Variants in DENND2B observed in about 807,000 individuals in gnomAD.
DENND2B encodes DENN domain containing 2B.
A neutral mutation model predicts 116.0 loss-of-function variants in DENND2B; 32 were observed. The ratio of observed to expected loss-of-function variants is 0.28; its 90% confidence interval spans 0.21 to 0.37. The LOEUF is 0.37. DENND2B is among the 10% of genes least tolerant of loss of function. The pLI is 1.00. For synonymous variants in DENND2B, 588 were observed against 583.9 expected (o/e 1.01, Z -0.10); for missense variants, 1,276 against 1,477.7 (o/e 0.86, Z 2.24).
intron 1 of DENND2B, 80 bp from the exon 2 acceptor site, chr11:8,750,805 A>C: frequency 7.5e-7 from 1 of 1,325,930 alleles, no homozygotes; most frequent in Admixed American, 1.7e-5. Context: ...ATGACCTCCA[A>C]AAGTGCCAAG....
intron 4 of DENND2B, 122 bp downstream of exon 4, chr11:8,725,951 A>T: frequency 7.1e-7 from 1 of 1,400,762 alleles, no homozygotes; most frequent in Non-Finnish European, 9.9e-7. Flanking sequence ...TTCCAGGAGG[A>T]GTTCCAGAAG....
In DENND2B at chr11:8,702,620, G is replaced by A. The variant is rs1334470883; in HGVS notation, c.2672C>T (p.Ala891Val). ...GACCCGGCGCTCCAGCAGCAGTGAGGCAAAGATTCGGATGAGCTGGCGCAC... is the reference window on the plus strand; with the variant it reads ...GACCCGGCGCTCCAGCAGCAGTGAGACAAAGATTCGGATGAGCTGGCGCAC... ...LSVRQLIRIF[A>V]SLLLERRVIF... Residue 891 changes from alanine (A) to valine (V), a missense_variant, in exon 14 of 20, where the codon GCC (alanine) becomes GTC (valine). Ala to Val is a moderately conservative substitution (Grantham distance 64, BLOSUM62 0). This residue lies in a region of DENND2B where 420 missense variants were observed against 631.1 expected (regional missense o/e 0.67). Coordinates refer to ENST00000313726, the MANE Select transcript of DENND2B (RefSeq NM_213618.2). The surrounding 1 kb of genome is among the most constrained non-coding windows in gnomAD (Gnocchi z 4.6). The A allele has an allele frequency of 6.2e-7, 1 of 1,613,796 alleles. No individual in the cohort carries two copies.
chr11:8,774,722 G>A (rs1378587947), intron 1 of DENND2B, among the ~76,000 whole-genome samples: 1 of 152,140 alleles, frequency 6.6e-6, no homozygotes, highest in African/African-American at 2.4e-5. Context: ...GCAGGAAGTT[G>A]CCCCCAGGCC....
intron 3 of DENND2B, among the ~76,000 whole-genome samples, chr11:8,728,298 T>C (rs899385849): frequency 6.6e-6 from 1 of 152,164 alleles, no homozygotes; most frequent in Non-Finnish European, 1.5e-5. Flanking sequence ...CCACCTCACC[T>C]GGACTGCATT....
intron 2 of DENND2B, among the ~76,000 whole-genome samples, chr11:8,731,952 C>T (rs2048195115): frequency 6.6e-6 from 1 of 152,208 alleles, no homozygotes; most frequent in South Asian, 2.1e-4. Flanking sequence ...TGATCTTTCC[C>T]TTTAACAAGC....
chr11:8,857,174 T>C (rs2063223045), intron 3 of DENND2B, among the ~76,000 whole-genome samples: 1 of 152,196 alleles, frequency 6.6e-6, no homozygotes, highest in Non-Finnish European at 1.5e-5. Context: ...GCATACAGAA[T>C]TAAGGCAAAA....
intron 3 of DENND2B, among the ~76,000 whole-genome samples, chr11:8,850,635 A>T (rs1376476777): frequency 6.6e-6 from 1 of 152,200 alleles, no homozygotes. Flanking sequence ...ACAAATTAAA[A>T]ATAGAACTAT....
At chr11:8,871,591 G>T (rs1430516625), upstream of DENND2B, among the ~76,000 whole-genome samples, 1 of 152,156 alleles carries the variant, frequency 6.6e-6, no homozygotes, top group African/African-American at 2.4e-5. Context: ...GGCCTCGGGG[G>T]AGCCCTACAA....
At chr11:8,887,368 T>C (rs1283942479) in intron 1 of DENND2B, among the ~76,000 whole-genome samples, 1 of 152,194 alleles carries the variant, frequency 6.6e-6, no homozygotes, top group African/African-American at 2.4e-5. Flanking sequence ...TTAGAATCAA[T>C]TTGCCTGAAA....
Position 8,774,877 on chromosome 11 carries a change from A to ATTT in DENND2B, c.-25-24153_-25-24152insAAA, listed in dbSNP as rs1565919434. 9.2e-3 allele frequency among the ~76,000 whole-genome samples: 1,326 copies of ATTT among 143,782 alleles called. 31 individuals carry two copies. Among genetic ancestry groups the ATTT allele is most frequent in the African/African-American group, 0.032 (1,221 of 38,700 alleles). 94.3% of individuals were successfully genotyped at this position (143,782 alleles called of 152,430 possible). On this transcript the variant is annotated intron_variant, in intron 1 of 19. Transcript: ENST00000313726. The stretch of plus-strand genomic sequence containing the variant: ...TTATTTTTTTCGTTTTTTTTTTTTA[A>ATTT]TTATTATTTTCACTTTTTTTTGAGA...
chr11:8,697,646 A>T lies in DENND2B; in HGVS notation c.2941-10T>A, dbSNP rs1592300017. ...TGTCTTCGTCGTCCATCTGCAGGAG[A>T]AAGAAAGCACAGTGACAATCATAGC... On this transcript the variant is annotated splice_polypyrimidine_tract_variant and intron_variant, in intron 16 of 19. Transcript: ENST00000313726. 5 of 1,596,210 alleles carry T rather than the reference A, an allele frequency of 3.1e-6. No homozygotes were observed. Among genetic ancestry groups the T allele is most frequent in the Non-Finnish European group, 4.3e-6 (5 of 1,163,602 alleles).
intron 1 of DENND2B, among the ~76,000 whole-genome samples, chr11:8,753,317 T>C (rs2052900767): frequency 6.6e-6 from 1 of 152,162 alleles, no homozygotes; most frequent in South Asian, 2.1e-4. Context: ...ATAATTCTAT[T>C]AACAATAGCA....
chr11:8,874,311 T>C (rs372164954), upstream of DENND2B, among the ~76,000 whole-genome samples: 78 of 152,360 alleles, frequency 5.1e-4, 1 homozygote, highest in East Asian at 9.2e-3. Flanking sequence ...CAACACATCT[T>C]GTAGCTAAGG....
At chr11:8,811,086 T>A (rs2061352395), upstream of DENND2B, 3 of 389,940 alleles carry the variant, frequency 7.7e-6, no homozygotes, top group Non-Finnish European at 1.4e-5. Context: ...GCTGAAGCGC[T>A]TGAAGGGGAC....
intron 4 of DENND2B, among the ~76,000 whole-genome samples, chr11:8,825,748 C>G (rs1298911731): frequency 6.6e-6 from 1 of 151,726 alleles, no homozygotes; most frequent in Non-Finnish European, 1.5e-5. Flanking sequence ...TACACTGAAG[C>G]TTAGAAAAAT....
intron 3 of DENND2B, among the ~76,000 whole-genome samples, chr11:8,855,297 C>T (rs1278187776): frequency 6.6e-6 from 1 of 151,844 alleles, no homozygotes; most frequent in East Asian, 2.0e-4. Context: ...GAGGGGAAGA[C>T]TATCTCGCTC....
chr11:8,699,692 G>A (rs1442754262), intron 14 of DENND2B, among the ~76,000 whole-genome samples: 1 of 152,202 alleles, frequency 6.6e-6, no homozygotes, highest in Non-Finnish European at 1.5e-5. Flanking sequence ...GGGCACATCA[G>A]TGGGCCCGTG....
At chr11:8,867,573 CTTTTTTTTTT>C (rs33990941) in intron 2 of DENND2B, among the ~76,000 whole-genome samples, 14 of 89,248 alleles carry the variant, frequency 1.6e-4, no homozygotes, top group Middle Eastern at 0.01. Context: ...TAAAATTCAG[CTTTTTTTTTT>C]TTTTTTTTTT....
intron 2 of DENND2B, among the ~76,000 whole-genome samples, chr11:8,878,706 T>C (rs948829554): frequency 6.6e-6 from 1 of 152,184 alleles, no homozygotes; most frequent in African/African-American, 2.4e-5. Flanking sequence ...AAATGTGGTG[T>C]ATCTATACAG....
Sources: allele counts gnomAD v4.1 joint callset (sites outside exome capture counted in the v4.1 genomes callset), GRCh38; gene constraint gnomAD v4.1.1; regional missense constraint gnomAD v4.1.1; non-coding constraint Gnocchi (gnomAD v3.1); transcripts MANE v1.5; gene names NCBI Gene and HGNC (gene_info 2026-07-23, HGNC 2026-07-21).